HACD3: variants seen among roughly 807,000 people sequenced by gnomAD.
HACD3 encodes the protein 3-hydroxyacyl-CoA dehydratase 3.
HACD3 carries 30 observed loss-of-function variants against 55.2 expected under a neutral mutation model. That is an observed-to-expected ratio of 0.54 (90% CI 0.41 to 0.74). HACD3 has a LOEUF of 0.74. Ranked by LOEUF, HACD3 falls within the 30% of genes least tolerant of loss-of-function variation. The pLI, the probability that HACD3 is intolerant of heterozygous loss-of-function variation, is 0.00. For synonymous variants in HACD3, 141 were observed against 151.7 expected (o/e 0.93, Z 0.52); for missense variants, 363 against 440.1 (o/e 0.82, Z 1.57).
chr15:65,564,191 C>T, intron 6 of HACD3, 24 bp from the exon 7 acceptor site: 1 of 1,609,058 alleles, frequency 6.2e-7, no homozygotes, highest in Admixed American at 1.7e-5. Context: ...CTGATTCACC[C>T]TTAATGTATA....
chr15:65,550,305 T>C (rs2072119907), intron 1 of HACD3, among the ~76,000 whole-genome samples: 1 of 152,130 alleles, frequency 6.6e-6, no homozygotes, highest in Non-Finnish European at 1.5e-5. Flanking sequence ...GAGAATCGCC[T>C]GAACCTGGGA....
At chr15:65,570,016 A>G (rs566375042) in intron 7 of HACD3, 75 bp from the exon 8 acceptor site, 1 of 999,488 alleles carries the variant, frequency 1.0e-6, no homozygotes, top group African/African-American at 1.7e-5. Context: ...GTGGGGTTAG[A>G]TTTCAGATAA....
At chr15:65,543,076 A>G (rs1426541580) in intron 1 of HACD3, among the ~76,000 whole-genome samples, 1 of 150,388 alleles carries the variant, frequency 6.6e-6, no homozygotes, top group Non-Finnish European at 1.5e-5. Context: ...GTCTCTCTAA[A>G]AAAAAAAAAA....
chr15:65,551,722 A>G lies in HACD3; in HGVS notation c.130+4A>G, dbSNP rs1294771327. ...GAAAACGTGCTGCATTTCAAAGGTC[A>G]GTATCCCAGCAAATGCTCCCATCTC... On this transcript the variant is annotated splice_donor_region_variant and intron_variant, in intron 2 of 10. Coordinates refer to ENST00000261875, the MANE Select transcript of HACD3 (RefSeq NM_016395.4). The G allele has an allele frequency of 5.6e-6, 9 of 1,613,936 alleles. No homozygotes were observed. The highest frequency in any genetic ancestry group is 7.6e-6 in the Non-Finnish European group (9 of 1,179,814).
chr15:65,564,680 C>T (rs150008015), intron 7 of HACD3: 3,322 of 183,712 alleles, frequency 0.018, 50 homozygotes, highest in Non-Finnish European at 0.025. Flanking sequence ...TCATTTACCT[C>T]CCCCTAGGTC....
Position 65,577,945 on chromosome 15 carries a change from A to G in HACD3, c.*1566A>G, listed in dbSNP as rs548913401. 6.5e-6 allele frequency: 1 copy of G among 152,776 alleles called. No individual in the cohort carries two copies. The highest frequency in any genetic ancestry group is 6.5e-5 in the Admixed American group (1 of 15,304). The allele number at this position is 152,776 out of a possible 1,614,324, so 9.5% of individuals were successfully genotyped here. Reference sequence around the variant, plus strand: ...AACCAAGTAAAATAAGTGTTGGAGTAACACTTGCATAAAAGAATTTAAGGA... The same window carrying G: ...AACCAAGTAAAATAAGTGTTGGAGTGACACTTGCATAAAAGAATTTAAGGA... On this transcript the variant is annotated 3_prime_UTR_variant, in exon 11 of 11. Transcript: ENST00000261875.
chr15:65,543,556 G>A (rs528011855), intron 1 of HACD3, among the ~76,000 whole-genome samples: 1 of 152,158 alleles, frequency 6.6e-6, no homozygotes, highest in African/African-American at 2.4e-5. Flanking sequence ...CCTTGTAAGA[G>A]CTTGAATTGG....
intron 1 of HACD3, among the ~76,000 whole-genome samples, chr15:65,541,232 A>C (rs2072016141): frequency 6.6e-6 from 1 of 152,130 alleles, no homozygotes; most frequent in South Asian, 2.1e-4. Flanking sequence ...TCTTAGACTT[A>C]ATTGATTGTA....
chr15:65,534,518 T>C (rs1312267251), intron 1 of HACD3: 1 of 152,232 alleles, frequency 6.6e-6, no homozygotes, highest in Non-Finnish European at 1.5e-5. Flanking sequence ...TGAACGTGTT[T>C]GTCCCGAGAA....
intron 2 of HACD3, among the ~76,000 whole-genome samples, chr15:65,552,104 A>G (rs1436375244): frequency 6.6e-6 from 1 of 152,164 alleles, no homozygotes; most frequent in Admixed American, 6.5e-5. Context: ...GTGGACACCA[A>G]ATAATGTTTC....
At chr15:65,554,165 C>A (rs547210079) in intron 2 of HACD3, among the ~76,000 whole-genome samples, 1 of 152,116 alleles carries the variant, frequency 6.6e-6, no homozygotes, top group African/African-American at 2.4e-5. Flanking sequence ...GATGATACAC[C>A]CACCAATTTT....
intron 1 of HACD3, among the ~76,000 whole-genome samples, chr15:65,537,953 AAAAAAATATATATATATATATATAT>A (rs1379901011): frequency 0.37 from 5,125 of 13,852 alleles, 365 homozygotes; most frequent in Middle Eastern, 0.48. Context: ...AAAAAAAAAA[AAAAAAATATATATATATATATATAT>A]ATATATATAT....
intron 8 of HACD3, 105 bp downstream of exon 8, chr15:65,570,308 C>A: frequency 1.2e-6 from 1 of 830,064 alleles, no homozygotes; most frequent in South Asian, 1.7e-5. Flanking sequence ...TGGTTTGGGA[C>A]TAAGATTACA....
Position 65,576,688 on chromosome 15 carries a change from A to G in HACD3, c.*309A>G. ...AATACATGCCAGAGATTTTTTTTTC[A>G]AAAAGTGCTTTATCCCTACAATGTA... On this transcript the variant is annotated 3_prime_UTR_variant, in exon 11 of 11. Transcript: ENST00000261875. 1 of 313,656 alleles carries G rather than the reference A, an allele frequency of 3.2e-6. No individual in the cohort carries two copies. Among genetic ancestry groups the G allele is most frequent in the South Asian group, 5.1e-5 (1 of 19,472 alleles). 19.4% of individuals were successfully genotyped at this position (313,656 alleles called of 1,614,324 possible).
intron 1 of HACD3, among the ~76,000 whole-genome samples, chr15:65,547,339 A>T (rs2072087938): frequency 6.6e-6 from 1 of 151,908 alleles, no homozygotes; most frequent in African/African-American, 2.4e-5. Flanking sequence ...CTGGTCTCGA[A>T]CTCCTGACCT....
At chr15:65,562,559 C>T (rs755739753) in intron 5 of HACD3, among the ~76,000 whole-genome samples, 1 of 151,920 alleles carries the variant, frequency 6.6e-6, no homozygotes, top group Non-Finnish European at 1.5e-5. Flanking sequence ...AAAGGAAGTC[C>T]TGCTGAAAAT....
chr15:65,571,897 GC>G (rs1284408631), intron 9 of HACD3, among the ~76,000 whole-genome samples: 1 of 152,214 alleles, frequency 6.6e-6, no homozygotes, highest in South Asian at 2.1e-4. Context: ...TTTGTATGAT[GC>G]TTTTAGTATT....
rs1267692241 is a variant in HACD3, at chr15:65,577,982, T to C, written c.*1603T>C. ...AAAGAATTTAAGGAGTGATAGCTCT[T>C]TCTGTTCTGCCATTCCCAACATTCC... On this transcript the variant is annotated 3_prime_UTR_variant, in exon 11 of 11. Coordinates refer to ENST00000261875, the MANE Select transcript of HACD3 (RefSeq NM_016395.4). The C allele has an allele frequency of 6.6e-6, 1 of 152,592 alleles. No homozygotes were observed. Among genetic ancestry groups the C allele is most frequent in the African/African-American group, 2.4e-5 (1 of 41,456 alleles). The allele number at this position is 152,592 out of a possible 1,614,324, so 9.5% of individuals were successfully genotyped here.
At chr15:65,537,961 ATATAT>A (rs1567330645) in intron 1 of HACD3, among the ~76,000 whole-genome samples, 10 of 4,410 alleles carry the variant, frequency 2.3e-3, no homozygotes, top group African/African-American at 7.8e-3. Context: ...AAAAAAAAAT[ATATAT>A]ATATATATAT....
Sources: allele counts gnomAD v4.1 joint callset (sites outside exome capture counted in the v4.1 genomes callset), GRCh38; gene constraint gnomAD v4.1.1; transcripts MANE v1.5; gene names NCBI Gene and HGNC (gene_info 2026-07-23, HGNC 2026-07-21).